CAPZB: variants seen among roughly 807,000 people sequenced by gnomAD.
CAPZB encodes F-actin-capping protein subunit beta.
CAPZB carries 2 observed loss-of-function variants against 38.1 expected under a neutral mutation model. The ratio of observed to expected loss-of-function variants is 0.05; its 90% CI spans 0.02 to 0.17. The LOEUF is 0.17. Ranked by LOEUF, CAPZB falls within the 10% of genes least tolerant of loss-of-function variation. The pLI is 1.00. For missense variants in CAPZB, 161 were observed against 334.2 expected (o/e 0.48, Z 4.04); for synonymous variants, 107 against 127.4 (o/e 0.84, Z 1.08).
chr1:19,428,679 C>T (rs2094432138), intron 1 of CAPZB, among the ~76,000 whole-genome samples: 1 of 152,106 alleles, frequency 6.6e-6, no homozygotes, highest in South Asian at 2.1e-4. Flanking sequence ...TGCCAGGTTG[C>T]ACAGATAGAG....
At position 19,462,660 on chromosome 1, in the gene CAPZB, A is replaced by G. The variant is rs79563819; in HGVS notation, c.3+22776T>C. ...CACATATGAAACAACATATTCACCTATTCACCTAATGTGCTTCAAAACAGT... is the reference window on the plus strand; with the variant it reads ...CACATATGAAACAACATATTCACCTGTTCACCTAATGTGCTTCAAAACAGT... On this transcript the variant is annotated intron_variant, in intron 1 of 8. Coordinates refer to ENST00000264202, the MANE Select transcript of CAPZB (RefSeq NM_004930.5). 2.3e-3 allele frequency among the ~76,000 whole-genome samples: 353 copies of G among 152,256 alleles called. 1 individual carries two copies. The highest frequency in any genetic ancestry group is 8.3e-3 in the African/African-American group (343 of 41,558).
At chr1:19,394,854 T>C (rs976918443) in intron 2 of CAPZB, among the ~76,000 whole-genome samples, 7 of 152,194 alleles carry the variant, frequency 4.6e-5, no homozygotes, top group African/African-American at 1.7e-4. Context: ...GATTCTGCGA[T>C]AGTATTCAGT....
In CAPZB at chr1:19,351,852, C is replaced by T. The variant is rs116425265; in HGVS notation, c.588+4783G>A. 3.5e-3 allele frequency among the ~76,000 whole-genome samples: 535 copies of T among 152,310 alleles called. 2 individuals are homozygous for T. Among genetic ancestry groups the T allele is most frequent in the Non-Finnish European group, 5.4e-3 (370 of 68,008 alleles). ...TCAGCCGCCTCCTGCCAGGGATCTCCGGTCCCTTCGTCTCCTGTTTCCGCC... is the reference window on the plus strand; with the variant it reads ...TCAGCCGCCTCCTGCCAGGGATCTCTGGTCCCTTCGTCTCCTGTTTCCGCC... On this transcript the variant is annotated intron_variant, in intron 6 of 8. Transcript: ENST00000264202.
In CAPZB at chr1:19,406,814, C is replaced by T. The variant is rs143089519; in HGVS notation, c.93+12847G>A. 4.4e-3 allele frequency among the ~76,000 whole-genome samples: 670 copies of T among 152,250 alleles called. 3 individuals carry two copies. The highest frequency in any genetic ancestry group is 6.9e-3 in the Non-Finnish European group (470 of 68,004). On this transcript the variant is annotated intron_variant, in intron 2 of 8. Transcript: ENST00000264202. ...CCCGGGAGAACAGCAGAGTATTTTG[C>T]GCAAGTTTGACATGACCTCAGAACT...
At chr1:19,387,953 TG>T (rs2100228561) in intron 2 of CAPZB, among the ~76,000 whole-genome samples, 1 of 152,334 alleles carries the variant, frequency 6.6e-6, no homozygotes, top group African/African-American at 2.4e-5. Flanking sequence ...TACTCTCAGA[TG>T]GCAACAATAG....
Position 19,377,764 on chromosome 1 carries a change from A to G in CAPZB, c.329+776T>C, listed in dbSNP as rs576319873. Among the ~76,000 whole-genome samples the G allele has an allele frequency of 2.0e-5, 3 of 152,344 alleles. No homozygotes were observed. In the South Asian group the frequency reaches 6.2e-4, roughly 32 times the overall value. On this transcript the variant is annotated intron_variant, in intron 4 of 8. Transcript: ENST00000264202. Reference sequence around the variant, plus strand: ...GTTGATTATGGCTAACTTTCTCTGGAGCCCTTCCTTGTAAGCCTGAACAAT... The same window carrying G: ...GTTGATTATGGCTAACTTTCTCTGGGGCCCTTCCTTGTAAGCCTGAACAAT...
chr1:19,471,646 C>T (rs2094587801), intron 1 of CAPZB, among the ~76,000 whole-genome samples: 1 of 152,018 alleles, frequency 6.6e-6, no homozygotes, highest in South Asian at 2.1e-4. Context: ...GGGCAGATCA[C>T]AAGGTCAGGA....
chr1:19,452,070 A>G (rs1234518002), intron 1 of CAPZB, among the ~76,000 whole-genome samples: 2 of 152,048 alleles, frequency 1.3e-5, no homozygotes, highest in African/African-American at 2.4e-5. Context: ...CATCTGGGTC[A>G]GGGCAAGCTT....
At chr1:19,453,922 A>AAG (rs2094524847) in intron 1 of CAPZB, among the ~76,000 whole-genome samples, 1 of 152,324 alleles carries the variant, frequency 6.6e-6, no homozygotes, top group Non-Finnish European at 1.5e-5. Context: ...ACAGATGAAA[A>AAG]TGAGGAACAA....
Position 19,406,995 on chromosome 1 carries a change from G to A in CAPZB, c.93+12666C>T, listed in dbSNP as rs538132187. Among the ~76,000 whole-genome samples the A allele has an allele frequency of 1.2e-3, 185 of 152,134 alleles. 2 individuals carry two copies. The highest frequency in any genetic ancestry group is 2.2e-3 in the Non-Finnish European group (151 of 68,018). Reference sequence around the variant, plus strand: ...ACGTGGTAAAGACAAGAGCTGAACAGGATTGTGCCTTTCGATTTCAAGGCA... The same window carrying A: ...ACGTGGTAAAGACAAGAGCTGAACAAGATTGTGCCTTTCGATTTCAAGGCA... On this transcript the variant is annotated intron_variant, in intron 2 of 8. Coordinates refer to ENST00000264202, the MANE Select transcript of CAPZB (RefSeq NM_004930.5).
At position 19,345,270 on chromosome 1, in the gene CAPZB, A is replaced by G; in HGVS notation, c.589-18T>C. On this transcript the variant is annotated intron_variant, in intron 6 of 8. Transcript: ENST00000264202. The stretch of plus-strand genomic sequence containing the variant: ...TTCTCCATCTGCAAAAGACAGAAAC[A>G]TTCCAAGTCAGAGAAAGCCAGAGAT... 1 of 1,606,332 alleles carries G rather than the reference A, an allele frequency of 6.2e-7. No homozygotes were observed. The highest frequency in any genetic ancestry group is 1.7e-5 in the Admixed American group (1 of 60,028).
At chr1:19,359,656 G>A (rs1165183017) in intron 4 of CAPZB, among the ~76,000 whole-genome samples, 5 of 152,218 alleles carry the variant, frequency 3.3e-5, no homozygotes, top group Non-Finnish European at 5.9e-5. Context: ...AACACCTGTC[G>A]GATGGAGGTG....
chr1:19,351,539 C>T (rs2093991635), intron 6 of CAPZB, among the ~76,000 whole-genome samples: 1 of 152,120 alleles, frequency 6.6e-6, no homozygotes, highest in Non-Finnish European at 1.5e-5. Flanking sequence ...TGGTCTTGAA[C>T]CCCTGGCCAA....
intron 8 of CAPZB, among the ~76,000 whole-genome samples, chr1:19,342,068 C>T (rs1044845580): frequency 1.3e-5 from 2 of 152,256 alleles, no homozygotes; most frequent in African/African-American, 4.8e-5. Flanking sequence ...TTGGCCATTA[C>T]CAACAAGCAA....
intron 4 of CAPZB, among the ~76,000 whole-genome samples, chr1:19,368,017 G>A (rs1011704420): frequency 6.6e-6 from 1 of 152,164 alleles, no homozygotes; most frequent in African/African-American, 2.4e-5. Context: ...AGGGCTTTCT[G>A]GGCTTCCAAG....
At chr1:19,426,832 G>A (rs557308490) in intron 1 of CAPZB, among the ~76,000 whole-genome samples, 3 of 152,338 alleles carry the variant, frequency 2.0e-5, no homozygotes, top group African/African-American at 7.2e-5. Flanking sequence ...ACTAGGTTTC[G>A]GGATGGTTTT....
intron 1 of CAPZB, among the ~76,000 whole-genome samples, chr1:19,475,090 C>A (rs1020906133): frequency 6.6e-6 from 1 of 152,190 alleles, no homozygotes; most frequent in Non-Finnish European, 1.5e-5. Flanking sequence ...TAATAACACA[C>A]TACGAGTCCA....
At chr1:19,351,278 A>G (rs1365546698) in intron 6 of CAPZB, among the ~76,000 whole-genome samples, 2 of 150,054 alleles carry the variant, frequency 1.3e-5, no homozygotes, top group African/African-American at 4.9e-5. Flanking sequence ...ACTGCACCCG[A>G]TCTTTCCATT....
chr1:19,478,452 T>C (rs2094614837), intron 1 of CAPZB, among the ~76,000 whole-genome samples: 1 of 152,164 alleles, frequency 6.6e-6, no homozygotes, highest in African/African-American at 2.4e-5. Flanking sequence ...ACCAGGGTTG[T>C]TGCCTTACAA....
Sources: allele counts gnomAD v4.1 joint callset (sites outside exome capture counted in the v4.1 genomes callset), GRCh38; gene constraint gnomAD v4.1.1; transcripts MANE v1.5; gene names NCBI Gene and HGNC (gene_info 2026-07-23, HGNC 2026-07-21).